NPAS3: variants seen among roughly 807,000 people sequenced by gnomAD.
The protein encoded by NPAS3 is neuronal PAS domain protein 3.
NPAS3 carries 14 observed loss-of-function variants against 73.1 expected under a neutral mutation model. That is an observed-to-expected ratio of 0.19 (90% CI 0.13 to 0.30). The LOEUF is 0.30. NPAS3 is among the 10% of genes least tolerant of loss of function. NPAS3 has a pLI of 1.00. For missense variants in NPAS3, 1,096 were observed against 1,250.0 expected, an observed-to-expected ratio of 0.88 and a Z score of 1.86; for synonymous variants, 620 against 541.5, an observed-to-expected ratio of 1.14 and a Z score of -2.01.
At chr14:33,164,254 A>C (rs1001901057) in intron 2 of NPAS3, among the ~76,000 whole-genome samples, 2 of 152,214 alleles carry the variant, frequency 1.3e-5, no homozygotes, top group Admixed American at 6.5e-5. Flanking sequence ...CCATCAGTCA[A>C]TGTTAAACTA....
chr14:33,116,976 T>C (rs2043085385), intron 2 of NPAS3, among the ~76,000 whole-genome samples: 2 of 152,136 alleles, frequency 1.3e-5, no homozygotes, highest in Admixed American at 1.3e-4. Flanking sequence ...AATAGGCCAT[T>C]GCTTTGTAAC....
At chr14:33,039,010 C>A (rs1242688344) in intron 1 of NPAS3, among the ~76,000 whole-genome samples, 1 of 152,116 alleles carries the variant, frequency 6.6e-6, no homozygotes, top group Non-Finnish European at 1.5e-5. Context: ...TGTGGGAAGA[C>A]AAAATGACAT....
intron 2 of NPAS3, among the ~76,000 whole-genome samples, chr14:33,071,926 C>T (rs914032614): frequency 6.6e-6 from 1 of 151,936 alleles, no homozygotes. Flanking sequence ...AGTCTTGCTC[C>T]GTCACCCAGG....
intron 1 of NPAS3, among the ~76,000 whole-genome samples, chr14:32,967,171 T>A (rs965879625): frequency 6.6e-6 from 1 of 152,090 alleles, no homozygotes; most frequent in Non-Finnish European, 1.5e-5. Context: ...CTCAGCCTAC[T>A]CAATGAAAAG....
At chr14:33,470,847 C>T (rs2050747230) in intron 4 of NPAS3, among the ~76,000 whole-genome samples, 1 of 151,064 alleles carries the variant, frequency 6.6e-6, no homozygotes, top group Non-Finnish European at 1.5e-5. Flanking sequence ...CAGAGATATT[C>T]TATTTACTGA....
chr14:33,755,601 C>G (rs1007521264), intron 7 of NPAS3, among the ~76,000 whole-genome samples: 2 of 152,108 alleles, frequency 1.3e-5, no homozygotes, highest in Non-Finnish European at 2.9e-5. Flanking sequence ...GCGTGTGGGC[C>G]TTTCAGGACT....
chr14:33,140,385 T>C (rs1415625921), intron 2 of NPAS3, among the ~76,000 whole-genome samples: 1 of 152,132 alleles, frequency 6.6e-6, no homozygotes, highest in Non-Finnish European at 1.5e-5. Context: ...ACAGTCACTA[T>C]TTTGAGCTCA....
intron 1 of NPAS3, among the ~76,000 whole-genome samples, chr14:33,047,088 T>G (rs1595318105): frequency 6.6e-6 from 1 of 152,060 alleles, no homozygotes; most frequent in Non-Finnish European, 1.5e-5. Context: ...CTATACAGAA[T>G]TGGGAGTCGT....
At chr14:33,111,620 A>G (rs993381336) in intron 2 of NPAS3, among the ~76,000 whole-genome samples, 1 of 148,998 alleles carries the variant, frequency 6.7e-6, no homozygotes, top group African/African-American at 2.5e-5. Context: ...AAAAAAATAC[A>G]TTATTGAAGA....
At chr14:33,227,865 C>T (rs1030682119) in intron 3 of NPAS3, among the ~76,000 whole-genome samples, 5 of 152,126 alleles carry the variant, frequency 3.3e-5, no homozygotes, top group African/African-American at 9.7e-5. Flanking sequence ...TTAATCATCC[C>T]GGTCATTTTA....
intron 3 of NPAS3, among the ~76,000 whole-genome samples, chr14:33,295,590 C>G (rs17100572): frequency 0.019 from 2,922 of 152,310 alleles, 68 homozygotes; most frequent in African/African-American, 0.059. Flanking sequence ...TGTAGGCTCA[C>G]TTGCCTAGGT....
At chr14:33,012,147 T>A (rs895913506) in intron 1 of NPAS3, among the ~76,000 whole-genome samples, 1 of 152,102 alleles carries the variant, frequency 6.6e-6, no homozygotes, top group African/African-American at 2.4e-5. Flanking sequence ...CACAGAACAA[T>A]TAAAAACAGC....
chr14:33,239,335 C>T (rs1167306475), intron 3 of NPAS3, among the ~76,000 whole-genome samples: 1 of 151,878 alleles, frequency 6.6e-6, no homozygotes, highest in Non-Finnish European at 1.5e-5. Context: ...GGCTTACAAA[C>T]ATCTTGAAAG....
chr14:33,492,249 G>T (rs2051936195), intron 4 of NPAS3, among the ~76,000 whole-genome samples: 1 of 152,060 alleles, frequency 6.6e-6, no homozygotes, highest in Non-Finnish European at 1.5e-5. Context: ...CCCCACTGTG[G>T]TAATACCTCT....
chr14:33,293,165 G>A (rs1227224469), intron 3 of NPAS3, among the ~76,000 whole-genome samples: 1 of 152,120 alleles, frequency 6.6e-6, no homozygotes, highest in African/African-American at 2.4e-5. Flanking sequence ...CCAGCTGGCT[G>A]CATTCTTTGC....
intron 2 of NPAS3, among the ~76,000 whole-genome samples, chr14:33,154,011 G>A (rs1039933017): frequency 2.0e-5 from 3 of 152,202 alleles, no homozygotes; most frequent in African/African-American, 7.2e-5. Flanking sequence ...GGAGCATTCA[G>A]TGTGGGTCCA....
intron 4 of NPAS3, among the ~76,000 whole-genome samples, chr14:33,454,990 C>G (rs550647642): frequency 6.6e-6 from 1 of 152,148 alleles, no homozygotes; most frequent in Non-Finnish European, 1.5e-5. Flanking sequence ...TGGCACCCGG[C>G]GCTGGCTTCC....
intron 6 of NPAS3, among the ~76,000 whole-genome samples, chr14:33,685,463 T>C (rs2060063275): frequency 6.6e-6 from 1 of 152,192 alleles, no homozygotes; most frequent in Non-Finnish European, 1.5e-5. Flanking sequence ...TTTTGTTCAT[T>C]TGTTTAATTA....
At chr14:33,310,034 A>G (rs747937719) in intron 3 of NPAS3, among the ~76,000 whole-genome samples, 2 of 152,208 alleles carry the variant, frequency 1.3e-5, no homozygotes, top group African/African-American at 2.4e-5. Context: ...TACTGTAAGA[A>G]GAAAGAAAGA....
Sources: gnomAD v4.1 joint callset for allele counts (sites outside exome capture counted in the v4.1 genomes callset) on GRCh38, gnomAD v4.1.1 for gene constraint, MANE v1.5 for transcripts, NCBI Gene and HGNC (gene_info 2026-07-23, HGNC 2026-07-21) for gene names.